The following SLAIN1 variants were observed in gnomAD, a reference collection of about 807,000 sequenced individuals.
SLAIN1 encodes SLAIN motif-containing protein 1.
Under a neutral mutation model 55.4 loss-of-function variants are expected in SLAIN1, and 17 were observed. That is an observed-to-expected ratio of 0.31 (90% CI 0.21 to 0.46). The LOEUF is 0.46. Ranked by LOEUF, SLAIN1 falls within the 20% of genes least tolerant of loss-of-function variation. SLAIN1 has a pLI of 1.00. For missense variants in SLAIN1, 682 were observed against 785.1 expected (o/e 0.87, Z 1.57); for synonymous variants, 348 against 337.4 (o/e 1.03, Z -0.35).
intron 4 of SLAIN1, among the ~76,000 whole-genome samples, chr13:77,750,635 C>G (rs774937250): frequency 6.6e-6 from 1 of 152,002 alleles, no homozygotes; most frequent in Non-Finnish European, 1.5e-5. Flanking sequence ...TTTGGGAATA[C>G]GAGACGTATG....
intron 2 of SLAIN1, among the ~76,000 whole-genome samples, chr13:77,733,554 CT>C (rs1872973096): frequency 6.6e-6 from 1 of 152,112 alleles, no homozygotes; most frequent in Non-Finnish European, 1.5e-5. Context: ...AACTAACTTT[CT>C]GATAAGTTTT....
intron 5 of SLAIN1, among the ~76,000 whole-genome samples, chr13:77,756,591 T>C (rs1180569694): frequency 6.6e-6 from 1 of 152,166 alleles, no homozygotes; most frequent in African/African-American, 2.4e-5. Context: ...TATCTCCTAA[T>C]AGTTACCCAA....
chr13:77,722,733 T>C (rs549708734), intron 2 of SLAIN1, among the ~76,000 whole-genome samples: 57 of 152,272 alleles, frequency 3.7e-4, no homozygotes, highest in African/African-American at 1.3e-3. Flanking sequence ...CAATATTTTA[T>C]CATTTCTTTT....
chr13:77,711,070 C>T (rs900852234), intron 1 of SLAIN1, among the ~76,000 whole-genome samples: 25 of 152,142 alleles, frequency 1.6e-4, no homozygotes, highest in Non-Finnish European at 2.6e-4. Flanking sequence ...CTATGGGACA[C>T]AGCTAAAGCA....
In SLAIN1 at chr13:77,698,782, C is replaced by A; in HGVS notation, c.626+243C>A. ...ACTGCGGATGAACCGGCCCCCCCTT[C>A]CCCCCATCTGCCATGGGTTCTGCTA... On this transcript the variant is annotated intron_variant, in intron 1 of 6. Transcript: ENST00000418532. The surrounding 1 kb of genome is among the most constrained non-coding windows in gnomAD (Gnocchi z 4.1). 1 of 1,230,406 alleles carries A rather than the reference C, an allele frequency of 8.1e-7. No individual in the cohort carries two copies. Among genetic ancestry groups the A allele is most frequent in the Non-Finnish European group, 1.1e-6 (1 of 920,414 alleles). 76.2% of individuals were successfully genotyped at this position (1,230,406 alleles called of 1,614,324 possible).
At chr13:77,756,449 G>C (rs908490469) in intron 5 of SLAIN1, among the ~76,000 whole-genome samples, 6 of 152,036 alleles carry the variant, frequency 3.9e-5, no homozygotes, top group Admixed American at 6.6e-5. Flanking sequence ...TAGGTATTGT[G>C]ATTTTTAATA....
intron 5 of SLAIN1, among the ~76,000 whole-genome samples, chr13:77,755,550 A>G (rs997036617): frequency 6.6e-6 from 1 of 152,168 alleles, no homozygotes; most frequent in Admixed American, 6.6e-5. Flanking sequence ...AAATGTCAAA[A>G]GGATACAGGA....
chr13:77,751,188 C>G (rs77790126), intron 4 of SLAIN1, among the ~76,000 whole-genome samples: 1 of 151,706 alleles, frequency 6.6e-6, no homozygotes, highest in Non-Finnish European at 1.5e-5. Flanking sequence ...TAGTGTTTTG[C>G]GGTATATATC....
At position 77,764,175 on chromosome 13, in the gene SLAIN1, TAC is replaced by T. The variant is rs1385159064; in HGVS notation, c.*956_*957del. 6 of 152,788 alleles carry T rather than the reference TAC, an allele frequency of 3.9e-5. No homozygotes were observed. The highest frequency in any genetic ancestry group is 3.9e-4 in the Admixed American group (6 of 15,306). 9.5% of individuals were successfully genotyped at this position (152,788 alleles called of 1,614,324 possible). A position where few individuals can be genotyped will look rare whatever the true frequency, so the allele number is the denominator to read the frequency against. On this transcript the variant is annotated 3_prime_UTR_variant, in exon 7 of 7. Coordinates refer to ENST00000418532, the MANE Select transcript of SLAIN1 (RefSeq NM_001242868.2). Reference sequence around the variant, plus strand: ...TTATGGCATATAACTTAATATTTGTTACTGTGTACACTGCTGTTTTGGAATGT... The same window carrying T: ...TTATGGCATATAACTTAATATTTGTTTGTGTACACTGCTGTTTTGGAATGT...
At chr13:77,715,605 G>C (rs748970552) in intron 1 of SLAIN1, among the ~76,000 whole-genome samples, 1 of 152,022 alleles carries the variant, frequency 6.6e-6, no homozygotes, top group African/African-American at 2.4e-5. Flanking sequence ...ACTTGCTATG[G>C]GTAGTATTTT....
chr13:77,761,458 G>T (rs117702900), intron 6 of SLAIN1, among the ~76,000 whole-genome samples: 1,829 of 152,266 alleles, frequency 0.012, 34 homozygotes, highest in East Asian at 0.018. Flanking sequence ...TGCTCAGATG[G>T]CAGCTCTATC....
chr13:77,716,417 G>A (rs2091208241), intron 1 of SLAIN1, among the ~76,000 whole-genome samples: 1 of 151,376 alleles, frequency 6.6e-6, no homozygotes, highest in Non-Finnish European at 1.5e-5. Flanking sequence ...CTACAAAAAA[G>A]CTTGCTGGAA....
intron 1 of SLAIN1, among the ~76,000 whole-genome samples, chr13:77,706,830 A>G (rs2091094629): frequency 6.6e-6 from 1 of 152,110 alleles, no homozygotes; most frequent in Admixed American, 6.6e-5. Flanking sequence ...GTCTAAGTTA[A>G]CCTTTCCCTC....
At chr13:77,723,607 G>A (rs750430214) in intron 2 of SLAIN1, among the ~76,000 whole-genome samples, 3 of 151,962 alleles carry the variant, frequency 2.0e-5, no homozygotes, top group Non-Finnish European at 4.4e-5. Flanking sequence ...TTTTAGCTTC[G>A]GGGTTGCTGT....
intron 2 of SLAIN1, among the ~76,000 whole-genome samples, chr13:77,731,489 G>A (rs1043279088): frequency 3.9e-5 from 6 of 152,048 alleles, no homozygotes; most frequent in East Asian, 3.9e-4. Flanking sequence ...AGTGGGAAAC[G>A]TACAAGGAAA....
intron 1 of SLAIN1, among the ~76,000 whole-genome samples, chr13:77,709,985 T>A (rs1196305277): frequency 6.6e-6 from 1 of 152,104 alleles, no homozygotes; most frequent in African/African-American, 2.4e-5. Context: ...TTGGTCAGGC[T>A]GGTCTTGAAC....
chr13:77,760,259 G>A (rs1874909883), intron 5 of SLAIN1, among the ~76,000 whole-genome samples: 1 of 151,998 alleles, frequency 6.6e-6, no homozygotes. Flanking sequence ...AATTTTTAAG[G>A]GTTCTTATCC....
At chr13:77,724,890 GGCAGTCC>G (rs2091293674) in intron 2 of SLAIN1, among the ~76,000 whole-genome samples, 1 of 151,962 alleles carries the variant, frequency 6.6e-6, no homozygotes, top group South Asian at 2.1e-4. Flanking sequence ...TTCTCCCTTG[GGCAGTCC>G]GCATTTTTGA....
chr13:77,744,152 T>A, intron 2 of SLAIN1, 131 bp from the exon 3 acceptor site: 3 of 724,386 alleles, frequency 4.1e-6, no homozygotes, highest in Non-Finnish European at 7.6e-6. Flanking sequence ...GACCATTAAA[T>A]GGTGACATGT....
Sources: gnomAD v4.1 joint callset for allele counts (sites outside exome capture counted in the v4.1 genomes callset) on GRCh38, gnomAD v4.1.1 for gene constraint, Gnocchi (gnomAD v3.1) non-coding constraint, MANE v1.5 for transcripts, NCBI Gene and HGNC (gene_info 2026-07-23, HGNC 2026-07-21) for gene names.